The following FAT2 variants were observed in gnomAD, a reference collection of about 807,000 sequenced individuals.
FAT2 encodes the protein protocadherin Fat 2.
In FAT2, 150 loss-of-function variants were observed where a neutral mutation model predicts 295.3. The ratio of observed to expected loss-of-function variants is 0.51; its 90% CI spans 0.44 to 0.58. The LOEUF is 0.58. FAT2 is among the 20% of genes least tolerant of loss of function. The pLI is 0.00. For missense variants in FAT2, 4,868 were observed against 5,442.7 expected, an observed-to-expected ratio of 0.89 and a Z score of 3.32; for synonymous variants, 2,026 against 2,150.3, an observed-to-expected ratio of 0.94 and a Z score of 1.60.
At position 151,524,799 on chromosome 5, in the gene FAT2, C is replaced by T. The variant is rs1203359072; in HGVS notation, c.10506+969G>A. ...AGGCTCTTTCCCAACTCATGTTGCT[C>T]TTCCTGCCTGGAAGACTCTCCTGCC... On this transcript the variant is annotated intron_variant, in intron 18 of 23. Coordinates refer to ENST00000261800, the MANE Select transcript of FAT2 (RefSeq NM_001447.3). Among the ~76,000 whole-genome samples, 10 of 152,216 alleles carry T rather than the reference C, an allele frequency of 6.6e-5. No homozygotes were observed. The South Asian group carries it at 8.3e-4, about 13-fold the overall frequency.
Position 151,521,487 on chromosome 5 carries a change from G to A in FAT2, c.11106C>T (p.Ile3702=), listed in dbSNP as rs1753446842. The change falls in exon 19 of 24, where the codon ATC becomes ATT. Residue 3702 remains isoleucine, a synonymous_variant. Transcript: ENST00000261800. ...CCATCTCCTTGGCTGAGTGAGTGAT[G>A]ATGGATGCTAGCTCCTGAAACTCGT... ...TFYEFQELAS[I]ITHSAKEMEH... 3 of 1,614,240 alleles carry A rather than the reference G, an allele frequency of 1.9e-6. No homozygotes were observed. Among genetic ancestry groups the A allele is most frequent in the Non-Finnish European group, 2.5e-6 (3 of 1,180,034 alleles).
chr5:151,528,050 G>C lies in FAT2; in HGVS notation c.10110C>G (p.Thr3370=), dbSNP rs1246187613. The part of the protein sequence containing the change: ...LIGGNQLGHF[T]IHPKKGELQV... ...GTAGCTCCCCCTTTTTGGGGTGAAT[G>C]GTGAAGTGCCCAAGCTGGTTCCCTC... The change falls in exon 16 of 24, where the codon ACC becomes ACG. Residue 3370 remains threonine (T), a synonymous_variant. Transcript: ENST00000261800. The C allele has an allele frequency of 6.2e-7, 1 of 1,614,212 alleles. No individual in the cohort carries two copies. The highest frequency in any genetic ancestry group is 8.5e-7 in the Non-Finnish European group (1 of 1,180,038).
rs146038479 is a variant in FAT2 at position 151,521,406 on chromosome 5, C to T, written c.11187G>A (p.Gly3729=). 2 of 1,614,188 alleles carry T rather than the reference C, an allele frequency of 1.2e-6. No homozygotes were observed. The highest frequency in any genetic ancestry group is 2.7e-5 in the African/African-American group (2 of 75,060). ...GGCAGATTTGACCCTGGCAGGTTGG[C>T]CCCTGGCAGGGCACCATGGGCATAG... The part of the protein sequence containing the change: ...RSAMPMVPCQ[G]PTCQGQICHN... Residue 3729 remains glycine (G), a synonymous_variant, in exon 19 of 24, where the codon GGG becomes GGA. Coordinates refer to ENST00000261800, the MANE Select transcript of FAT2 (RefSeq NM_001447.3).
Position 151,506,086 on chromosome 5 carries a change from C to T in FAT2, c.12529G>A (p.Gly4177Arg), listed in dbSNP as rs774731481. The change falls in exon 24 of 24, where the codon GGA becomes AGA. Residue 4177 changes from glycine (G) to arginine (R), a missense_variant. This residue lies in a region of FAT2 where 492 missense variants were observed against 482.6 expected (regional missense o/e 1.02). Transcript: ENST00000261800. Reference sequence around the variant, plus strand: ...TAAGTAGGGGGCCAGACCATGGCTCCGCCAGGGTACACTGAAAGGGAACAG... The same window carrying T: ...TAAGTAGGGGGCCAGACCATGGCTCTGCCAGGGTACACTGAAAGGGAACAG... ...WSSEEMVYPG[G>R]AMVWPPTYSR... 4.0e-6 allele frequency: 6 copies of T among 1,518,282 alleles called. No homozygotes were observed. Among genetic ancestry groups the T allele is most frequent in the East Asian group, 4.5e-5 (2 of 44,002 alleles). 94.1% of individuals were successfully genotyped at this position (1,518,282 alleles called of 1,614,324 possible). A position where few individuals can be genotyped will look rare whatever the true frequency, so the allele number is the denominator to read the frequency against.
At chr5:151,522,536 G>A (rs1753582230) in intron 18 of FAT2, among the ~76,000 whole-genome samples, 2 of 152,356 alleles carry the variant, frequency 1.3e-5, no homozygotes, top group East Asian at 1.9e-4. Flanking sequence ...TGCGATTGGA[G>A]TGGGAGTCGG....
intron 22 of FAT2, 177 bp downstream of exon 22, chr5:151,509,843 GA>G (rs1761180079): frequency 3.0e-6 from 2 of 660,448 alleles, no homozygotes; most frequent in Non-Finnish European, 5.3e-6. Context: ...TGTCTTCCAT[GA>G]AACCGGTCCC....
intron 1 of FAT2, among the ~76,000 whole-genome samples, chr5:151,579,847 A>G (rs1358929620): frequency 6.6e-6 from 1 of 152,132 alleles, no homozygotes; most frequent in Non-Finnish European, 1.5e-5. Flanking sequence ...GGCACCTAGT[A>G]GTTGCTAAAT....
chr5:151,528,449 G>A (rs1754250555), intron 15 of FAT2, among the ~76,000 whole-genome samples: 1 of 152,178 alleles, frequency 6.6e-6, no homozygotes, highest in Non-Finnish European at 1.5e-5. Context: ...CTAATTTGGA[G>A]TAAAGTATGA....
chr5:151,528,877 G>A (rs1238321896), intron 15 of FAT2, among the ~76,000 whole-genome samples: 2 of 152,172 alleles, frequency 1.3e-5, no homozygotes, highest in Non-Finnish European at 2.9e-5. Context: ...GCCTCTGGCA[G>A]TCCTCTGGGG....
At chr5:151,588,630 C>T (rs1044857852) in intron 1 of FAT2, among the ~76,000 whole-genome samples, 1 of 152,140 alleles carries the variant, frequency 6.6e-6, no homozygotes, top group Admixed American at 6.5e-5. Context: ...CTGTCCTGGA[C>T]CCAGGCGCCA....
intron 9 of FAT2, among the ~76,000 whole-genome samples, chr5:151,547,058 A>G (rs1318240318): frequency 6.6e-6 from 1 of 152,138 alleles, no homozygotes; most frequent in African/African-American, 2.4e-5. Flanking sequence ...TATTTAATTG[A>G]TGTTTTCCTT....
At chr5:151,551,141 T>G (rs1313515366) in intron 7 of FAT2, among the ~76,000 whole-genome samples, 1 of 152,190 alleles carries the variant, frequency 6.6e-6, no homozygotes, top group Non-Finnish European at 1.5e-5. Context: ...AAGAAACAGA[T>G]AAAACACTGG....
Position 151,506,077 on chromosome 5 carries a change from C to G in FAT2, c.12538G>C (p.Val4180Leu), listed in dbSNP as rs778271634. The G allele has an allele frequency of 6.3e-5, 97 of 1,527,746 alleles. No individual in the cohort carries two copies. In the Middle Eastern group the frequency reaches 7.0e-4, roughly 11 times the overall value. The allele number at this position is 1,527,746 out of a possible 1,614,324, so 94.6% of individuals were successfully genotyped here. The stretch of plus-strand genomic sequence containing the variant: ...TTCCTGGAGTAAGTAGGGGGCCAGA[C>G]CATGGCTCCGCCAGGGTACACTGAA... ...EEMVYPGGAM[V>L]WPPTYSRNER... Residue 4180 changes from valine (V) to leucine (L), a missense_variant, in exon 24 of 24, where the codon GTC becomes CTC. By Grantham distance (32) the Val-to-Leu change is conservative (BLOSUM62 1). Coordinates refer to ENST00000261800, the MANE Select transcript of FAT2 (RefSeq NM_001447.3).
chr5:151,568,374 G>A lies in FAT2; in HGVS notation c.558C>T (p.Ala186=). Residue 186 remains alanine (A), a synonymous_variant, in exon 2 of 24, where the codon GCC becomes GCT. Transcript: ENST00000261800. ...DLGQNAEFYY[A]FNTRSEMFAI... ...CAAACATCTCTGACCTTGTGTTAAA[G>A]GCATAATAGAACTCAGCATTCTGGC... 1 of 1,614,198 alleles carries A rather than the reference G, an allele frequency of 6.2e-7. No homozygotes were observed. The highest frequency in any genetic ancestry group is 8.5e-7 in the Non-Finnish European group (1 of 1,180,032).
chr5:151,580,654 G>A (rs565854540), intron 1 of FAT2, among the ~76,000 whole-genome samples: 1 of 152,260 alleles, frequency 6.6e-6, no homozygotes, highest in East Asian at 1.9e-4. Flanking sequence ...GTGATTTGCA[G>A]CAAAGCTCAA....
chr5:151,582,553 G>T (rs1003265090), intron 1 of FAT2, among the ~76,000 whole-genome samples: 2 of 152,174 alleles, frequency 1.3e-5, no homozygotes, highest in Non-Finnish European at 2.9e-5. Context: ...ATTTTGGTGT[G>T]ACTGGTGTTT....
Position 151,551,516 on chromosome 5 carries a change from T to C in FAT2, c.4247A>G (p.Tyr1416Cys), listed in dbSNP as rs1417513311. The change falls in exon 7 of 24, where the codon TAT becomes TGT. Residue 1416 changes from tyrosine to cysteine, a missense_variant. Tyr to Cys is a radical substitution (Grantham distance 194). Coordinates refer to ENST00000261800, the MANE Select transcript of FAT2 (RefSeq NM_001447.3). ...RPLDTRRRSNYNLTVEVTDGS... is the reference protein window; with the variant it reads ...RPLDTRRRSNCNLTVEVTDGS... ...ATCTGTCACCTCAACAGTCAAGTTATAGTTCGACCTTCTCCTGGTATCAAG... is the reference window on the plus strand; with the variant it reads ...ATCTGTCACCTCAACAGTCAAGTTACAGTTCGACCTTCTCCTGGTATCAAG... 1.8e-5 allele frequency: 29 copies of C among 1,614,114 alleles called. No homozygotes were observed. Among genetic ancestry groups the C allele is most frequent in the Non-Finnish European group, 2.2e-5 (26 of 1,180,038 alleles).
At chr5:151,558,971 G>A (rs1381678045) in intron 3 of FAT2, among the ~76,000 whole-genome samples, 10 of 152,248 alleles carry the variant, frequency 6.6e-5, no homozygotes, top group South Asian at 2.1e-4. Flanking sequence ...GCTACTGGTC[G>A]AGGTTAATGG....
chr5:151,567,093 A>G lies in FAT2; in HGVS notation c.1839T>C (p.Asn613=), dbSNP rs1758308628. ...TGAGGGATATCACTCCGGAGAAATG[A>G]TTTAGATCAAAATACTCTAGTTCAT... is the stretch of plus-strand genomic sequence containing the variant. ...SGNELEYFDL[N]HFSGVISLKR... The change falls in exon 2 of 24, where the codon AAT becomes AAC. Residue 613 remains asparagine, a synonymous_variant. Coordinates refer to ENST00000261800, the MANE Select transcript of FAT2 (RefSeq NM_001447.3). 6.2e-7 allele frequency: 1 copy of G among 1,614,182 alleles called. No individual in the cohort carries two copies. Among genetic ancestry groups the G allele is most frequent in the East Asian group, 2.2e-5 (1 of 44,888 alleles).
Sources: allele counts gnomAD v4.1 joint callset (sites outside exome capture counted in the v4.1 genomes callset), GRCh38; gene constraint gnomAD v4.1.1; regional missense constraint gnomAD v4.1.1; transcripts MANE v1.5; gene names NCBI Gene and HGNC (gene_info 2026-07-23, HGNC 2026-07-21).